Variants in PSG1 observed in about 807,000 individuals in gnomAD.
PSG1 encodes the protein pregnancy-specific beta-1-glycoprotein 1.
PSG1 carries 60 observed loss-of-function variants against 41.4 expected under a neutral mutation model. The observed-to-expected ratio is 1.45, with a 90% CI of 1.18 to 1.80. The LOEUF is 1.80. Among genes scored for constraint, PSG1 ranks in the 40% most tolerant of loss-of-function variants. PSG1 has a pLI of 0.00. For missense variants in PSG1, 806 were observed against 516.9 expected (o/e 1.56, Z -5.42); for synonymous variants, 256 against 192.9 (o/e 1.33, Z -2.71).
chr19:42,879,670 C>T lies in PSG1; in HGVS notation c.-89G>A. The stretch of plus-strand genomic sequence containing the variant: ...CACGGCTGTCAGCTGTGCTGTCCTT[C>T]CTCTTTCTGTGCTGAGCCTCTTCCC... On this transcript the variant is annotated 5_prime_UTR_variant, in exon 1 of 6. Coordinates refer to ENST00000436291, the MANE Select transcript of PSG1 (RefSeq NM_001184825.2). The T allele has an allele frequency of 6.4e-7, 1 of 1,556,116 alleles. No individual in the cohort carries two copies. The highest frequency in any genetic ancestry group is 1.7e-5 in the Admixed American group (1 of 58,234).
At chr19:42,879,494 T>C in intron 1 of PSG1, 24 bp downstream of exon 1, 2 of 1,607,190 alleles carry the variant, frequency 1.2e-6, no homozygotes, top group South Asian at 1.1e-5. Flanking sequence ...CCTCCTGTCC[T>C]CTCCCAGGAA....
chr19:42,873,973 C>T (rs1298409725), intron 2 of PSG1: 1 of 151,444 alleles, frequency 6.6e-6, no homozygotes, highest in Non-Finnish European at 1.5e-5. Context: ...TTGTGTCTCC[C>T]CACACGAAGA....
intron 3 of PSG1, among the ~76,000 whole-genome samples, 160 bp downstream of exon 3, chr19:42,871,607 A>G (rs767987921): frequency 3.3e-5 from 5 of 151,610 alleles, no homozygotes; most frequent in Non-Finnish European, 7.4e-5. Flanking sequence ...GATGAAGCCT[A>G]GGTCTACTCT....
intron 2 of PSG1, among the ~76,000 whole-genome samples, chr19:42,873,166 C>A (rs749465796): frequency 6.6e-6 from 1 of 151,650 alleles, no homozygotes; most frequent in East Asian, 1.9e-4. Flanking sequence ...TCCTGTACAG[C>A]CTCATGCCTA....
At chr19:42,877,722 A>AGGGTC (rs1971669395) in intron 2 of PSG1, among the ~76,000 whole-genome samples, 191 bp downstream of exon 2, 2 of 151,664 alleles carry the variant, frequency 1.3e-5, no homozygotes, top group Admixed American at 1.3e-4. Context: ...CAGGGTCTGG[A>AGGGTC]TGCAGGAAAG....
chr19:42,878,096 C>T lies in PSG1; in HGVS notation c.247G>A (p.Val83Ile), dbSNP rs765764581. Residue 83 changes from valine (V) to isoleucine (I), a missense_variant, in exon 2 of 6, where the codon GTA becomes ATA. By Grantham distance (29) the Val-to-Ile change is conservative (BLOSUM62 3). Coordinates refer to ENST00000436291, the MANE Select transcript of PSG1 (RefSeq NM_001184825.2). ...RDLYHYITSY[V>I]VDGEIIIYGP... is the part of the protein sequence containing the mutation. ...TATATAATTATTTCACCGTCTACTA[C>T]ATATGATGTAATGTAATGGTAGAGG... The T allele has an allele frequency of 1.9e-6, 3 of 1,612,342 alleles. No individual in the cohort carries two copies. The highest frequency in any genetic ancestry group is 2.2e-5 in the East Asian group (1 of 44,796).
chr19:42,877,547 T>C (rs1051611722), intron 2 of PSG1, among the ~76,000 whole-genome samples: 3 of 151,666 alleles, frequency 2.0e-5, no homozygotes, highest in Non-Finnish European at 2.9e-5. Context: ...GGGCTGAGCT[T>C]CTCTGAGAGT....
intron 1 of PSG1, 120 bp from the exon 2 acceptor site, chr19:42,878,398 C>CACAT (rs1199244728): frequency 7.4e-7 from 1 of 1,349,550 alleles, no homozygotes; most frequent in Non-Finnish European, 1.0e-6. Context: ...GACACACACA[C>CACAT]ACATACAAAC....
Position 42,868,987 on chromosome 19 carries a change from C to T in PSG1, c.757G>A (p.Glu253Lys). ...GTGAAGTTTAAGACATCCTTATTCT[C>T]CCTGGGGTTTAAGTTGTTGATGGTG... ...YITINNLNPR[E>K]NKDVLNFTCE... Residue 253 changes from glutamate to lysine, a missense_variant, in exon 4 of 6, where the codon GAG becomes AAG. Coordinates refer to ENST00000436291, the MANE Select transcript of PSG1 (RefSeq NM_001184825.2). 1 of 1,610,620 alleles carries T rather than the reference C, an allele frequency of 6.2e-7. No individual in the cohort carries two copies. Among genetic ancestry groups the T allele is most frequent in the Non-Finnish European group, 8.5e-7 (1 of 1,179,052 alleles).
At chr19:42,878,930 C>T (rs551011313) in intron 1 of PSG1, among the ~76,000 whole-genome samples, 9 of 151,428 alleles carry the variant, frequency 5.9e-5, no homozygotes, top group African/African-American at 1.7e-4. Flanking sequence ...GTGTTTCCTG[C>T]CCTGTTTATA....
chr19:42,873,435 T>C (rs9304615), intron 2 of PSG1, among the ~76,000 whole-genome samples: 54,769 of 151,184 alleles, frequency 0.36, 11,645 homozygotes, highest in African/African-American at 0.54. Context: ...GTGTAATTTT[T>C]CCGTAAAAAT....
Position 42,871,996 on chromosome 19 carries a change from C to G in PSG1, c.480G>C (p.Glu160Asp), listed in dbSNP as rs374878866. 6.2e-7 allele frequency: 1 copy of G among 1,612,340 alleles called. No individual in the cohort carries two copies. Among genetic ancestry groups the G allele is most frequent in the Non-Finnish European group, 8.5e-7 (1 of 1,179,192 alleles). ...AGGTTAAGCTCACAGCCTCCATGGT[C>G]TCCCTGGGATTTAAGTTGCTGCTGG... Reference protein sequence around the residue: ...SISSSNLNPRETMEAVSLTCD... With the variant: ...SISSSNLNPRDTMEAVSLTCD... Residue 160 changes from glutamate to aspartate, a missense_variant, in exon 3 of 6, where the codon GAG becomes GAC. By Grantham distance (45) the Glu-to-Asp change is conservative. Coordinates refer to ENST00000436291, the MANE Select transcript of PSG1 (RefSeq NM_001184825.2).
rs753831860 is a variant in PSG1 at position 42,869,029 on chromosome 19, G to A, written c.715C>T (p.Leu239=). The change falls in exon 4 of 6, where the codon CTG becomes TTG. Residue 239 remains leucine, a synonymous_variant. Transcript: ENST00000436291. ...TTGATGGTGATGTAGGGCTTGGGCAGCTTCGCTGTGTGGATAACAGAGAGA... is the reference window on the plus strand; with the variant it reads ...TTGATGGTGATGTAGGGCTTGGGCAACTTCGCTGTGTGGATAACAGAGAGA... The part of the protein sequence containing the change: ...DPVTLNLLPK[L]PKPYITINNL... 52 of 1,607,880 alleles carry A rather than the reference G, an allele frequency of 3.2e-5. 1 individual carries two copies. Among genetic ancestry groups the A allele is most frequent in the Non-Finnish European group, 4.3e-5 (51 of 1,177,664 alleles).
chr19:42,875,609 GC>G (rs1971570484), intron 2 of PSG1, among the ~76,000 whole-genome samples: 1 of 151,236 alleles, frequency 6.6e-6, no homozygotes, highest in African/African-American at 2.4e-5. Context: ...ATGTCCCCCT[GC>G]CCCCATGATT....
intron 2 of PSG1, 21 bp downstream of exon 2, chr19:42,877,892 G>A (rs373146658): frequency 2.3e-5 from 37 of 1,611,842 alleles, no homozygotes; most frequent in Non-Finnish European, 3.1e-5. Flanking sequence ...CAACACCCAG[G>A]GATCATGTGG....
At chr19:42,876,174 G>A (rs1445078700) in intron 2 of PSG1, among the ~76,000 whole-genome samples, 1 of 151,430 alleles carries the variant, frequency 6.6e-6, no homozygotes, top group African/African-American at 2.4e-5. Context: ...GTGCAGGACA[G>A]GGCTTGCCAG....
intron 2 of PSG1, among the ~76,000 whole-genome samples, chr19:42,875,144 CT>C (rs1355455031): frequency 6.6e-6 from 1 of 151,782 alleles, no homozygotes; most frequent in Non-Finnish European, 1.5e-5. Flanking sequence ...CTGACTCCAT[CT>C]GGCATCTAGT....
At chr19:42,873,348 C>T (rs1003473235) in intron 2 of PSG1, among the ~76,000 whole-genome samples, 1 of 151,652 alleles carries the variant, frequency 6.6e-6, no homozygotes, top group Non-Finnish European at 1.5e-5. Context: ...TTTAGCATCA[C>T]ATCAGTGGTC....
At chr19:42,867,891 T>C in intron 5 of PSG1, 1 of 1,441,040 alleles carries the variant, frequency 6.9e-7, no homozygotes, top group East Asian at 2.3e-5. Context: ...TCCTGCTTGG[T>C]CTAGGCTGGG....
Sources: allele counts gnomAD v4.1 joint callset (sites outside exome capture counted in the v4.1 genomes callset), GRCh38; gene constraint gnomAD v4.1.1; transcripts MANE v1.5; gene names NCBI Gene and HGNC (gene_info 2026-07-23, HGNC 2026-07-21).